Variants in FAM220A observed in about 807,000 individuals in gnomAD.
FAM220A encodes family with sequence similarity 220 member A.
For synonymous variants in FAM220A, 141 were observed against 130.7 expected (o/e 1.08, Z -0.54); for missense variants, 392 against 321.6 (o/e 1.22, Z -1.68).
rs780978883 is a variant in FAM220A, at chr7:6,348,780, GCC to G, written c.-291_-290del. 6.0e-5 allele frequency: 24 copies of G among 397,394 alleles called. No homozygotes were observed. The highest frequency in any genetic ancestry group is 4.7e-4 in the African/African-American group (23 of 48,514). The allele number at this position is 397,394 out of a possible 1,614,324, so 24.6% of individuals were successfully genotyped here. On this transcript the variant is annotated 5_prime_UTR_variant, in exon 1 of 2. Coordinates refer to ENST00000313324, the MANE Select transcript of FAM220A (RefSeq NM_001037163.2). The stretch of plus-strand genomic sequence containing the variant: ...CCATATAGAGACCGGCGCTCCCACA[GCC>G]CCCCCGCCCGCCCTCTCCGCGCCGC...
chr7:6,335,380 G>A (rs1781725110), intron 1 of FAM220A, among the ~76,000 whole-genome samples: 1 of 151,828 alleles, frequency 6.6e-6, no homozygotes, highest in South Asian at 2.1e-4. Flanking sequence ...CCGCCACCAC[G>A]CCTGGCTAAT....
At chr7:6,346,277 C>T (rs1021801377) in intron 1 of FAM220A, among the ~76,000 whole-genome samples, 3 of 152,134 alleles carry the variant, frequency 2.0e-5, no homozygotes, top group Non-Finnish European at 2.9e-5. Context: ...GTTTTGACCC[C>T]TCTAATCAGG....
chr7:6,345,736 T>C (rs1053323575), intron 1 of FAM220A, among the ~76,000 whole-genome samples: 8 of 152,070 alleles, frequency 5.3e-5, no homozygotes, highest in Admixed American at 5.3e-4. Flanking sequence ...CCTCAAAGTT[T>C]CTTTTTTTAA....
intron 1 of FAM220A, among the ~76,000 whole-genome samples, chr7:6,333,693 A>G (rs776979593): frequency 6.6e-6 from 1 of 151,616 alleles, no homozygotes; most frequent in Non-Finnish European, 1.5e-5. Flanking sequence ...CAGGAACAGA[A>G]GTTTATTACA....
At chr7:6,341,385 T>G (rs1781854557) in intron 1 of FAM220A, among the ~76,000 whole-genome samples, 1 of 150,298 alleles carries the variant, frequency 6.7e-6, no homozygotes, top group South Asian at 2.1e-4. Context: ...GAGCTTGCAG[T>G]GAGCGGAGAT....
intron 1 of FAM220A, among the ~76,000 whole-genome samples, chr7:6,344,165 C>T (rs1032751920): frequency 3.3e-5 from 5 of 150,186 alleles, no homozygotes; most frequent in African/African-American, 1.2e-4. Context: ...AAAAAAAAGG[C>T]GTGGGGCTGT....
In FAM220A at chr7:6,330,455, T is replaced by G; in HGVS notation, c.700A>C (p.Thr234Pro). 1.9e-6 allele frequency: 3 copies of G among 1,614,150 alleles called. No individual in the cohort carries two copies. The highest frequency in any genetic ancestry group is 2.5e-6 in the Non-Finnish European group (3 of 1,180,034). ...AGTGTTATCTGCAGACCATCTGAGG[T>G]GCTTTTAAGCATTTTCTTGAATTCT... ...TIEFKKMLKS[T>P]SDGLQITLGL... Residue 234 changes from threonine (T) to proline (P), a missense_variant, in exon 2 of 2, where the codon ACC (threonine) becomes CCC (proline). By Grantham distance (38) the Thr-to-Pro change is conservative. Coordinates refer to ENST00000313324, the MANE Select transcript of FAM220A (RefSeq NM_001037163.2).
intron 1 of FAM220A, among the ~76,000 whole-genome samples, chr7:6,345,226 TC>T (rs1781932217): frequency 6.6e-6 from 1 of 151,920 alleles, no homozygotes; most frequent in South Asian, 2.1e-4. Flanking sequence ...CAAGCGATCC[TC>T]CCACCTCTGC....
At chr7:6,346,546 A>C (rs1203473448) in intron 1 of FAM220A, among the ~76,000 whole-genome samples, 1 of 152,030 alleles carries the variant, frequency 6.6e-6, no homozygotes, top group Non-Finnish European at 1.5e-5. Context: ...ACGCCCAGCT[A>C]ATTTTTTGTA....
chr7:6,337,061 G>C (rs768541646), intron 1 of FAM220A, among the ~76,000 whole-genome samples: 2 of 151,706 alleles, frequency 1.3e-5, no homozygotes, highest in Non-Finnish European at 2.9e-5. Context: ...TGTTGAAATA[G>C]GTATTTTAAT....
At chr7:6,348,550 C>T in intron 1 of FAM220A, 23 bp downstream of exon 1, 2 of 427,306 alleles carry the variant, frequency 4.7e-6, no homozygotes, top group Non-Finnish European at 8.3e-6. Flanking sequence ...GGGCCGGGGG[C>T]CGGGCAGGCA....
chr7:6,346,235 AC>A (rs1554260706), intron 1 of FAM220A, among the ~76,000 whole-genome samples: 3 of 152,094 alleles, frequency 2.0e-5, no homozygotes, highest in Non-Finnish European at 4.4e-5. Flanking sequence ...ACACAGGAGC[AC>A]CCTTCACTCA....
chr7:6,333,988 A>G (rs557831455), intron 1 of FAM220A, among the ~76,000 whole-genome samples: 1 of 151,268 alleles, frequency 6.6e-6, no homozygotes, highest in African/African-American at 2.4e-5. Flanking sequence ...CTGGGACTAC[A>G]GGCACCCGCC....
At chr7:6,334,085 A>G (rs910755397) in intron 1 of FAM220A, among the ~76,000 whole-genome samples, 13 of 150,992 alleles carry the variant, frequency 8.6e-5, no homozygotes, top group African/African-American at 2.9e-4. Context: ...TGACCTCGTG[A>G]TCCGCCCACC....
rs1212740147 is a variant in FAM220A, at chr7:6,331,209, G to C, written c.-55C>G. 1.3e-6 allele frequency: 2 copies of C among 1,539,718 alleles called. No homozygotes were observed. Among genetic ancestry groups the C allele is most frequent in the East Asian group, 4.5e-5 (2 of 44,294 alleles). On this transcript the variant is annotated 5_prime_UTR_variant, in exon 2 of 2. Coordinates refer to ENST00000313324, the MANE Select transcript of FAM220A (RefSeq NM_001037163.2). ...AGGTCACGCCTTCGTCAGTCTGGGA[G>C]GGCCTTCAATGGATCTCAATATGAA...
intron 1 of FAM220A, among the ~76,000 whole-genome samples, chr7:6,340,388 G>A (rs574945245): frequency 2.0e-5 from 3 of 152,246 alleles, no homozygotes; most frequent in South Asian, 2.1e-4. Flanking sequence ...ACGGAGAAGC[G>A]ACCACTGCAT....
At chr7:6,343,042 A>G (rs1781892210) in intron 1 of FAM220A, among the ~76,000 whole-genome samples, 2 of 126,864 alleles carry the variant, frequency 1.6e-5, no homozygotes, top group African/African-American at 6.0e-5. Flanking sequence ...TTCTCAAAAA[A>G]AAAAAAGAAA....
intron 1 of FAM220A, among the ~76,000 whole-genome samples, chr7:6,339,838 C>T (rs929290346): frequency 6.6e-6 from 1 of 151,892 alleles, no homozygotes; most frequent in Non-Finnish European, 1.5e-5. Flanking sequence ...GGTGCGATCA[C>T]AAGGAGAGGA....
intron 1 of FAM220A, among the ~76,000 whole-genome samples, chr7:6,337,364 T>C (rs796337547): frequency 1.8e-4 from 27 of 151,712 alleles, no homozygotes; most frequent in South Asian, 6.3e-4. Flanking sequence ...TCAGGTGATC[T>C]ACCCGCCTCA....
Sources: gnomAD v4.1 joint callset for allele counts (sites outside exome capture counted in the v4.1 genomes callset) on GRCh38, gnomAD v4.1.1 for gene constraint, MANE v1.5 for transcripts, NCBI Gene and HGNC (gene_info 2026-07-23, HGNC 2026-07-21) for gene names.